MTFR2: variants seen among roughly 807,000 people sequenced by gnomAD.
MTFR2 encodes the protein DUF729 domain-containing protein 1.
MTFR2 carries 44 observed loss-of-function variants against 41.2 expected under a neutral mutation model. The observed-to-expected ratio is 1.07, with a 90% CI of 0.84 to 1.37. The LOEUF is 1.37. MTFR2 is among the 40% of genes most tolerant of loss of function. MTFR2 has a pLI of 0.00. For synonymous variants in MTFR2, 141 were observed against 154.6 expected (o/e 0.91, Z 0.65); for missense variants, 452 against 459.5 (o/e 0.98, Z 0.15).
At chr6:136,247,200 A>C (rs1033248048) in intron 2 of MTFR2, among the ~76,000 whole-genome samples, 5 of 152,124 alleles carry the variant, frequency 3.3e-5, no homozygotes, top group African/African-American at 1.2e-4. Context: ...AAATATAAAA[A>C]TCAGTTGGGC....
chr6:136,238,300 T>A (rs1211551393), intron 6 of MTFR2, among the ~76,000 whole-genome samples: 2 of 152,196 alleles, frequency 1.3e-5, no homozygotes, highest in African/African-American at 4.8e-5. Flanking sequence ...GATTCACTTA[T>A]ATGAGGCATC....
At chr6:136,244,621 T>A in intron 3 of MTFR2, 144 bp downstream of exon 3, 1 of 615,418 alleles carries the variant, frequency 1.6e-6, no homozygotes, top group Non-Finnish European at 2.9e-6. Flanking sequence ...AAAACATATA[T>A]GAAATGGCTT....
intron 7 of MTFR2, among the ~76,000 whole-genome samples, chr6:136,231,693 G>A (rs78947846): frequency 7.1e-3 from 737 of 104,406 alleles, no homozygotes; most frequent in African/African-American, 0.028. Context: ...AAAAAAAAAA[G>A]AAGATTATCT....
chr6:136,238,451 A>G (rs562977073), intron 6 of MTFR2, among the ~76,000 whole-genome samples: 1 of 152,160 alleles, frequency 6.6e-6, no homozygotes, highest in African/African-American at 2.4e-5. Flanking sequence ...ATTTTTTTTA[A>G]TAAGATAAAA....
chr6:136,242,614 T>C (rs912869488), intron 4 of MTFR2, among the ~76,000 whole-genome samples: 2 of 152,110 alleles, frequency 1.3e-5, no homozygotes, highest in Admixed American at 6.5e-5. Flanking sequence ...GCTAAAAACA[T>C]GATTCTAATA....
intron 6 of MTFR2, 56 bp from the exon 7 acceptor site, chr6:136,233,555 C>T (rs1452643837): frequency 2.3e-6 from 3 of 1,325,676 alleles, no homozygotes; most frequent in Admixed American, 2.6e-5. Context: ...ATTTTAGCTC[C>T]TTGTTGACAA....
intron 6 of MTFR2, among the ~76,000 whole-genome samples, chr6:136,237,594 A>G (rs1779941267): frequency 6.6e-6 from 1 of 151,988 alleles, no homozygotes; most frequent in African/African-American, 2.4e-5. Flanking sequence ...GGCAGATCAC[A>G]AGGTCAGGAG....
chr6:136,246,808 G>A (rs528072281), intron 2 of MTFR2, among the ~76,000 whole-genome samples: 177 of 152,114 alleles, frequency 1.2e-3, no homozygotes, highest in Admixed American at 4.3e-3. Flanking sequence ...ATCACAAAAC[G>A]ACAATATTTA....
intron 4 of MTFR2, among the ~76,000 whole-genome samples, chr6:136,242,037 G>GCCA (rs1161685831): frequency 3.1e-5 from 4 of 129,216 alleles, no homozygotes; most frequent in Admixed American, 2.0e-4. Context: ...CCAAGATCGT[G>GCCA]CCATTGCACT....
Position 136,242,860 on chromosome 6 carries a change from C to A in MTFR2, c.281+1G>T. On this transcript the variant is annotated splice_donor_variant, in intron 4 of 7. Coordinates refer to ENST00000420702, the MANE Select transcript of MTFR2 (RefSeq NM_001099286.3). LOFTEE classifies it high-confidence loss of function. ...TTCCCAAGATAAGCATATAAAATTA[C>A]CGAAATCTGAGATAACTGGCTTCTT... 6.2e-7 allele frequency: 1 copy of A among 1,607,562 alleles called. No individual in the cohort carries two copies.
At chr6:136,240,898 T>G (rs193056384) in intron 5 of MTFR2, among the ~76,000 whole-genome samples, 2 of 152,162 alleles carry the variant, frequency 1.3e-5, no homozygotes, top group Non-Finnish European at 2.9e-5. Context: ...GAGACCATCC[T>G]GGCTAACACG....
At chr6:136,231,872 A>C (rs1441801196) in intron 7 of MTFR2, among the ~76,000 whole-genome samples, 1 of 149,482 alleles carries the variant, frequency 6.7e-6, no homozygotes, top group African/African-American at 2.6e-5. Flanking sequence ...AACATCCTCA[A>C]ATTTTAAGAA....
intron 2 of MTFR2, among the ~76,000 whole-genome samples, chr6:136,248,495 G>A (rs945588010): frequency 6.6e-6 from 1 of 152,202 alleles, no homozygotes; most frequent in South Asian, 2.1e-4. Flanking sequence ...CTGCCACCAT[G>A]TAAAATGTGA....
At chr6:136,237,804 A>T (rs1262645773) in intron 6 of MTFR2, among the ~76,000 whole-genome samples, 2 of 151,214 alleles carry the variant, frequency 1.3e-5, no homozygotes, top group African/African-American at 2.5e-5. Context: ...CGACAGAGCC[A>T]GACTCCATCT....
chr6:136,239,912 AT>A (rs1780012377), intron 5 of MTFR2, 92 bp from the exon 6 acceptor site: 2 of 983,528 alleles, frequency 2.0e-6, no homozygotes, highest in Non-Finnish European at 3.0e-6. Context: ...AACAGGAGCA[AT>A]TTCTGTAATG....
chr6:136,247,661 T>A, intron 2 of MTFR2: 1 of 412,642 alleles, frequency 2.4e-6, no homozygotes, highest in Admixed American at 2.9e-5. Flanking sequence ...AGGTTGCTGA[T>A]CCCACCTCCC....
chr6:136,243,061 C>A, intron 3 of MTFR2, 88 bp from the exon 4 acceptor site: 3 of 747,802 alleles, frequency 4.0e-6, no homozygotes, highest in Non-Finnish European at 6.1e-6. Context: ...AGTTAACAAT[C>A]CAAAAGAAAG....
At position 136,250,036 on chromosome 6, in the gene MTFR2, C is replaced by T. The variant is rs945905321; in HGVS notation, c.-115G>A. On this transcript the variant is annotated 5_prime_UTR_variant, in exon 1 of 8. Coordinates refer to ENST00000420702, the MANE Select transcript of MTFR2 (RefSeq NM_001099286.3). ...ACATCAAGCGGAGGGCGTTAGGAAT[C>T]CTCAATCAAATTCCAGACTGCGCCA... The T allele has an allele frequency of 1.3e-5, 2 of 152,244 alleles. No individual in the cohort carries two copies. The highest frequency in any genetic ancestry group is 2.9e-5 in the Non-Finnish European group (2 of 68,086). 9.4% of individuals were successfully genotyped at this position (152,244 alleles called of 1,614,324 possible). A position where few individuals can be genotyped will look rare whatever the true frequency, so the allele number is the denominator to read the frequency against.
intron 6 of MTFR2, among the ~76,000 whole-genome samples, chr6:136,238,745 T>G (rs1779971098): frequency 6.6e-6 from 1 of 150,468 alleles, no homozygotes; most frequent in South Asian, 2.1e-4. Flanking sequence ...TCTAAAAAAA[T>G]TATTCAACAA....
Sources: gnomAD v4.1 joint callset for allele counts (sites outside exome capture counted in the v4.1 genomes callset) on GRCh38, gnomAD v4.1.1 for gene constraint, MANE v1.5 for transcripts, NCBI Gene and HGNC (gene_info 2026-07-23, HGNC 2026-07-21) for gene names.